The following SHISAL2A variants were observed in gnomAD, a reference collection of about 807,000 sequenced individuals.
SHISAL2A encodes protein shisa-like-2A.
SHISAL2A carries 18 observed loss-of-function variants against 11.5 expected under a neutral mutation model. The ratio of observed to expected loss-of-function variants is 1.57; its 90% confidence interval spans 1.08 to 2.33. SHISAL2A has a LOEUF of 2.33. SHISAL2A is among the 30% of genes most tolerant of loss of function. The probability of loss-of-function intolerance (pLI) is 0.00; values close to 1 mark genes in which losing one functional copy is unlikely to be tolerated. For synonymous variants in SHISAL2A, 94 were observed against 99.6 expected (o/e 0.94, Z 0.34); for missense variants, 261 against 250.9 (o/e 1.04, Z -0.27).
intron 4 of SHISAL2A, among the ~76,000 whole-genome samples, chr1:52,666,089 G>A (rs1383423427): frequency 6.6e-6 from 1 of 152,146 alleles, no homozygotes; most frequent in Non-Finnish European, 1.5e-5. Flanking sequence ...AGGTTGTTTG[G>A]ATACTTACGA....
chr1:52,641,206 T>C (rs151025004), intron 1 of SHISAL2A, among the ~76,000 whole-genome samples: 7 of 152,296 alleles, frequency 4.6e-5, no homozygotes, highest in Non-Finnish European at 8.8e-5. Flanking sequence ...TTGAGTTCAG[T>C]GAGCTGTCCT....
intron 1 of SHISAL2A, among the ~76,000 whole-genome samples, chr1:52,637,828 C>T (rs1393268119): frequency 6.6e-6 from 1 of 152,178 alleles, no homozygotes; most frequent in Non-Finnish European, 1.5e-5. Context: ...CCCTCCAATT[C>T]TTTCTTAGGA....
chr1:52,640,615 A>T (rs1031526650), intron 1 of SHISAL2A, among the ~76,000 whole-genome samples: 1 of 152,058 alleles, frequency 6.6e-6, no homozygotes, highest in Non-Finnish European at 1.5e-5. Context: ...TCAAAACAAA[A>T]AAAAAAACAA....
intron 2 of SHISAL2A, 107 bp downstream of exon 2, chr1:52,643,109 T>C (rs1691409082): frequency 8.8e-7 from 1 of 1,140,296 alleles, no homozygotes; most frequent in African/African-American, 1.6e-5. Context: ...TGACTATTCC[T>C]GGAATATGCA....
At chr1:52,656,673 C>T (rs776423171) in intron 2 of SHISAL2A, 117 bp from the exon 3 acceptor site, 109 of 1,081,744 alleles carry the variant, frequency 1.0e-4, no homozygotes, top group Non-Finnish European at 1.4e-4. Context: ...ACAAATGATG[C>T]TTCTAAGGCT....
chr1:52,657,490 G>A (rs2149892061), downstream of SHISAL2A, among the ~76,000 whole-genome samples: 1 of 152,278 alleles, frequency 6.6e-6, no homozygotes. Flanking sequence ...GATAGAGAGG[G>A]AGTATGTTGT....
chr1:52,650,985 A>G (rs1265434538), intron 2 of SHISAL2A, among the ~76,000 whole-genome samples: 9 of 151,604 alleles, frequency 5.9e-5, no homozygotes, highest in Non-Finnish European at 1.5e-5. Flanking sequence ...ACATAAGCCA[A>G]AAATGTAATG....
At chr1:52,643,846 G>A (rs1034187440) in intron 2 of SHISAL2A, among the ~76,000 whole-genome samples, 8 of 139,770 alleles carry the variant, frequency 5.7e-5, no homozygotes, top group Admixed American at 5.0e-4. Flanking sequence ...GAGTGAGACT[G>A]TCTCAGAAAG....
intron 2 of SHISAL2A, among the ~76,000 whole-genome samples, chr1:52,643,939 AAAGG>A (rs1038822477): frequency 5.5e-4 from 83 of 151,976 alleles, no homozygotes; most frequent in African/African-American, 1.8e-3. Context: ...AGAGAAAGAG[AAAGG>A]AAGGAAGGAA....
At chr1:52,646,249 T>C (rs1406262140) in intron 2 of SHISAL2A, among the ~76,000 whole-genome samples, 1 of 152,100 alleles carries the variant, frequency 6.6e-6, no homozygotes, top group Non-Finnish European at 1.5e-5. Flanking sequence ...AAAATGTCAA[T>C]AGTACCAGTT....
intron 1 of SHISAL2A, among the ~76,000 whole-genome samples, chr1:52,638,616 T>C (rs1259355279): frequency 2.0e-5 from 3 of 152,202 alleles, no homozygotes; most frequent in South Asian, 4.1e-4. Flanking sequence ...TGGTAGAGGA[T>C]AAGAAAGTGA....
chr1:52,667,402 G>T, exon 5 of SHISAL2A: 1 of 985,106 alleles, frequency 1.0e-6, no homozygotes, highest in South Asian at 4.7e-5. Flanking sequence ...CCTGCAGGTG[G>T]TTCCTAACTT....
At chr1:52,653,576 A>T (rs971465350) in intron 2 of SHISAL2A, among the ~76,000 whole-genome samples, 6 of 151,922 alleles carry the variant, frequency 3.9e-5, no homozygotes, top group Non-Finnish European at 8.8e-5. Context: ...ATGTCACTAT[A>T]CTCCAACCTG....
At chr1:52,653,084 A>G (rs1691707882) in intron 2 of SHISAL2A, among the ~76,000 whole-genome samples, 1 of 150,832 alleles carries the variant, frequency 6.6e-6, no homozygotes, top group South Asian at 2.1e-4. Flanking sequence ...AAAATTAGAA[A>G]CCCAAACTAA....
downstream of SHISAL2A, among the ~76,000 whole-genome samples, chr1:52,657,801 G>A (rs981230956): frequency 4.6e-5 from 7 of 152,116 alleles, no homozygotes; most frequent in African/African-American, 1.7e-4. Flanking sequence ...GCTGCAGTGA[G>A]CTATGATCAC....
At chr1:52,665,713 C>T (rs1359892514) in intron 4 of SHISAL2A, among the ~76,000 whole-genome samples, 1 of 152,114 alleles carries the variant, frequency 6.6e-6, no homozygotes, top group Non-Finnish European at 1.5e-5. Context: ...CCACCTCCCT[C>T]CCATCCTTCT....
At chr1:52,636,008 A>G (rs1210010601) in intron 1 of SHISAL2A, among the ~76,000 whole-genome samples, 1 of 152,246 alleles carries the variant, frequency 6.6e-6, no homozygotes, top group Admixed American at 6.5e-5. Flanking sequence ...AAGTGAAACA[A>G]TGAAGTTTTG....
chr1:52,645,103 T>C (rs1489316603), intron 2 of SHISAL2A, among the ~76,000 whole-genome samples: 2 of 151,530 alleles, frequency 1.3e-5, no homozygotes, highest in Non-Finnish European at 2.9e-5. Flanking sequence ...GGGTAGTAGC[T>C]AAGTCTCAGA....
chr1:52,668,931 T>C (rs1275224896), exon 6 of SHISAL2A: 1 of 152,180 alleles, frequency 6.6e-6, no homozygotes, highest in Admixed American at 6.5e-5. Flanking sequence ...CAGGCTACCC[T>C]GACTAAGCCA....
Sources: allele counts gnomAD v4.1 joint callset (sites outside exome capture counted in the v4.1 genomes callset), GRCh38; gene constraint gnomAD v4.1.1; transcripts MANE v1.5; gene names NCBI Gene and HGNC (gene_info 2026-07-23, HGNC 2026-07-21).